SEC24D: variants seen among roughly 807,000 people sequenced by gnomAD.
SEC24D encodes protein transport protein Sec24D.
A neutral mutation model predicts 116.9 loss-of-function variants in SEC24D; 69 were observed. That is an observed-to-expected ratio of 0.59 (90% confidence interval 0.49 to 0.72). The LOEUF is 0.72. Ranked by LOEUF, SEC24D falls within the 30% of genes least tolerant of loss-of-function variation. The pLI is 0.00. For missense variants in SEC24D, 1,131 were observed against 1,264.1 expected (o/e 0.89, Z 1.60); for synonymous variants, 405 against 442.8 (o/e 0.91, Z 1.07).
Position 118,829,016 on chromosome 4 carries a change from C to T in SEC24D, c.119-4267G>A, listed in dbSNP as rs564082846. Among the ~76,000 whole-genome samples the T allele has an allele frequency of 2.4e-3, 373 of 152,316 alleles. 3 individuals carry two copies. The highest frequency in any genetic ancestry group is 8.7e-3 in the African/African-American group (361 of 41,550). ...CATTCCCTCCGGGAAGGAGCCCTTC[C>T]ACCCTAAGTCTTGTTTAGGTGCCCC... On this transcript the variant is annotated intron_variant, in intron 2 of 22. Coordinates refer to ENST00000280551, the MANE Select transcript of SEC24D (RefSeq NM_014822.4).
intron 8 of SEC24D, among the ~76,000 whole-genome samples, chr4:118,777,994 T>C (rs1728227595): frequency 6.6e-6 from 1 of 152,198 alleles, no homozygotes; most frequent in African/African-American, 2.4e-5. Context: ...TCTTTGTAGA[T>C]TCTGGATATT....
At chr4:118,778,088 TGTGCAGAA>T (rs1728232947) in intron 8 of SEC24D, among the ~76,000 whole-genome samples, 1 of 152,254 alleles carries the variant, frequency 6.6e-6, no homozygotes, top group Non-Finnish European at 1.5e-5. Flanking sequence ...TTTCTTTTGC[TGTGCAGAA>T]GCTCTTTAGT....
In SEC24D at chr4:118,728,068, C is replaced by T. The variant is rs942660529; in HGVS notation, c.2958+493G>A. ...AAGGAAAACAAGTAAGTATCTGGAA[C>T]GTGGCAACAACATATAATTTTCTTG... On this transcript the variant is annotated intron_variant, in intron 22 of 22. Coordinates refer to ENST00000280551, the MANE Select transcript of SEC24D (RefSeq NM_014822.4). Among the ~76,000 whole-genome samples, 11 of 152,070 alleles carry T rather than the reference C, an allele frequency of 7.2e-5. 1 individual carries two copies. Among genetic ancestry groups the T allele is most frequent in the African/African-American group, 2.2e-4 (9 of 41,504 alleles).
At chr4:118,774,019 CACTT>C (rs1364190169) in intron 8 of SEC24D, among the ~76,000 whole-genome samples, 10 of 152,108 alleles carry the variant, frequency 6.6e-5, no homozygotes, top group African/African-American at 2.4e-4. Context: ...GAGGATAAGA[CACTT>C]AATACATTGT....
Position 118,799,938 on chromosome 4 carries a change from G to GT in SEC24D, c.914-2129dup, listed in dbSNP as rs894748708. Among the ~76,000 whole-genome samples, 10 of 151,608 alleles carry GT rather than the reference G, an allele frequency of 6.6e-5. 1 individual carries two copies. The highest frequency in any genetic ancestry group is 6.2e-4 in the South Asian group (3 of 4,812). ...TTTTTATATTTTAAGATGAGAGAAGGTTTTTTTTAAAAAAAGATGGGAATC... is the reference window on the plus strand; with the variant it reads ...TTTTTATATTTTAAGATGAGAGAAGGTTTTTTTTTAAAAAAAGATGGGAATC... On this transcript the variant is annotated intron_variant, in intron 7 of 22. Transcript: ENST00000280551.
intron 8 of SEC24D, among the ~76,000 whole-genome samples, chr4:118,770,338 C>CA (rs943176741): frequency 3.8e-4 from 57 of 151,320 alleles, no homozygotes; most frequent in Middle Eastern, 6.8e-3. Context: ...CATGCAGGTA[C>CA]AAAAAAAAGA....
chr4:118,737,142 A>C (rs1726001579), intron 19 of SEC24D, among the ~76,000 whole-genome samples: 1 of 152,262 alleles, frequency 6.6e-6, no homozygotes, highest in African/African-American at 2.4e-5. Context: ...TAAAGTGCTC[A>C]TGATTGGACT....
At chr4:118,747,433 T>C (rs1726593447) in intron 13 of SEC24D, among the ~76,000 whole-genome samples, 1 of 151,836 alleles carries the variant, frequency 6.6e-6, no homozygotes, top group South Asian at 2.1e-4. Flanking sequence ...CGCCCAGCTA[T>C]TTTTGTATTT....
intron 5 of SEC24D, 45 bp downstream of exon 5, chr4:118,815,406 C>G (rs1255149963): frequency 6.3e-7 from 1 of 1,597,092 alleles, no homozygotes; most frequent in Non-Finnish European, 8.6e-7. Context: ...GTTAAGGGTT[C>G]CCCTGGGTAA....
chr4:118,800,449 T>C (rs1729383888), intron 7 of SEC24D, among the ~76,000 whole-genome samples: 1 of 152,084 alleles, frequency 6.6e-6, no homozygotes, highest in African/African-American at 2.4e-5. Context: ...TAGTGCCAGA[T>C]TTCACAGTTT....
At chr4:118,812,916 C>T (rs1729979588) in intron 6 of SEC24D, among the ~76,000 whole-genome samples, 1 of 152,140 alleles carries the variant, frequency 6.6e-6, no homozygotes, top group Non-Finnish European at 1.5e-5. Flanking sequence ...CTAGACACTG[C>T]CATGGGAGTC....
At chr4:118,738,063 TTGTTCACATTTTTAAA>T in intron 19 of SEC24D, 182 bp downstream of exon 19, 1 of 494,420 alleles carries the variant, frequency 2.0e-6, no homozygotes, top group South Asian at 2.7e-5. Context: ...TCCATTTTTT[TTGTTCACATTTTTAAA>T]TGTTGGCTAT....
chr4:118,724,826 G>T (rs1390039044), intron 22 of SEC24D, among the ~76,000 whole-genome samples: 1 of 152,166 alleles, frequency 6.6e-6, no homozygotes, highest in Non-Finnish European at 1.5e-5. Flanking sequence ...GCACAACAAT[G>T]CCTCTCCACC....
intron 8 of SEC24D, among the ~76,000 whole-genome samples, chr4:118,770,572 T>A (rs534959751): frequency 6.6e-6 from 1 of 152,320 alleles, no homozygotes; most frequent in Non-Finnish European, 1.5e-5. Flanking sequence ...TTTACTTTTC[T>A]CATCCTTTTA....
intron 8 of SEC24D, among the ~76,000 whole-genome samples, chr4:118,781,725 C>A (rs367609562): frequency 6.6e-6 from 1 of 152,172 alleles, no homozygotes; most frequent in South Asian, 2.1e-4. Context: ...TCAGGTACAC[C>A]AATCAAACAC....
intron 22 of SEC24D, among the ~76,000 whole-genome samples, chr4:118,725,379 A>G (rs976318223): frequency 2.6e-5 from 4 of 152,108 alleles, no homozygotes; most frequent in African/African-American, 7.2e-5. Flanking sequence ...TTTTCATTTT[A>G]TGTTTTATCC....
chr4:118,732,971 G>A lies in SEC24D; in HGVS notation c.2497-59C>T, dbSNP rs1725772140. ...ATCTTTACTGAGAACAATTCCCTGA[G>A]CTTCATCTGTAAGACTGAAACATTA... On this transcript the variant is annotated intron_variant, in intron 19 of 22. Transcript: ENST00000280551. The A allele has an allele frequency of 7.9e-6, 11 of 1,384,192 alleles. No individual in the cohort carries two copies. The Admixed American group carries it at 1.9e-4, about 24-fold the overall frequency. 85.7% of individuals were successfully genotyped at this position (1,384,192 alleles called of 1,614,324 possible).
intron 8 of SEC24D, among the ~76,000 whole-genome samples, chr4:118,769,133 A>C (rs572296466): frequency 6.6e-6 from 1 of 152,308 alleles, no homozygotes; most frequent in Admixed American, 6.5e-5. Context: ...AATAATGTTC[A>C]TTTATTTAGG....
intron 6 of SEC24D, among the ~76,000 whole-genome samples, chr4:118,811,555 T>C (rs1483773598): frequency 2.6e-5 from 4 of 152,178 alleles, no homozygotes; most frequent in Non-Finnish European, 4.4e-5. Flanking sequence ...CTTAATCTAA[T>C]CAGCGGACAG....
Sources: gnomAD v4.1 joint callset for allele counts (sites outside exome capture counted in the v4.1 genomes callset) on GRCh38, gnomAD v4.1.1 for gene constraint, MANE v1.5 for transcripts, NCBI Gene and HGNC (gene_info 2026-07-23, HGNC 2026-07-21) for gene names.